Variants in LURAP1L observed in about 807,000 individuals in gnomAD.
The protein encoded by LURAP1L is leucine rich adaptor protein 1 like.
A neutral mutation model predicts 13.8 loss-of-function variants in LURAP1L; 12 were observed. That is an observed-to-expected ratio of 0.87 (90% CI 0.56 to 1.41). The LOEUF (loss-of-function observed/expected upper bound fraction) is 1.41. LURAP1L is among the 40% of genes most tolerant of loss of function. LURAP1L has a pLI of 0.00. For missense variants in LURAP1L, 375 were observed against 292.9 expected (o/e 1.28, Z -2.04); for synonymous variants, 139 against 119.2 (o/e 1.17, Z -1.08).
chr9:12,797,400 C>A (rs1057168134), intron 1 of LURAP1L, among the ~76,000 whole-genome samples: 2 of 152,142 alleles, frequency 1.3e-5, no homozygotes, highest in South Asian at 4.2e-4. Flanking sequence ...TAGGAGGTAC[C>A]AATGCCAAGT....
intron 1 of LURAP1L, among the ~76,000 whole-genome samples, chr9:12,790,150 C>T (rs1181290441): frequency 1.3e-5 from 2 of 151,988 alleles, no homozygotes; most frequent in Admixed American, 1.3e-4. Context: ...TAAAGATTTC[C>T]AAAGAGTGAA....
intron 1 of LURAP1L, among the ~76,000 whole-genome samples, chr9:12,799,547 A>C (rs934514974): frequency 6.6e-6 from 1 of 152,170 alleles, no homozygotes; most frequent in African/African-American, 2.4e-5. Flanking sequence ...TAACCTACTT[A>C]ATTACATTAT....
intron 1 of LURAP1L, among the ~76,000 whole-genome samples, chr9:12,803,454 C>T (rs956918224): frequency 6.6e-6 from 1 of 152,218 alleles, no homozygotes; most frequent in Non-Finnish European, 1.5e-5. Flanking sequence ...CTAAATGATA[C>T]TGCCAATGGG....
At chr9:12,788,831 A>C (rs933285933) in intron 1 of LURAP1L, among the ~76,000 whole-genome samples, 8 of 151,716 alleles carry the variant, frequency 5.3e-5, no homozygotes, top group African/African-American at 1.9e-4. Context: ...ACAGTTTGGT[A>C]AGAAAAACTA....
chr9:12,817,957 G>A (rs374834369), intron 1 of LURAP1L, among the ~76,000 whole-genome samples: 6 of 152,032 alleles, frequency 3.9e-5, no homozygotes, highest in East Asian at 1.9e-4. Flanking sequence ...GTGAACTGAC[G>A]TGCCCAGCGC....
intron 1 of LURAP1L, among the ~76,000 whole-genome samples, chr9:12,802,237 C>T (rs1164122653): frequency 1.3e-5 from 2 of 152,158 alleles, no homozygotes; most frequent in Non-Finnish European, 2.9e-5. Context: ...GAGGGCAGCT[C>T]AAAATCAGTG....
intron 1 of LURAP1L, among the ~76,000 whole-genome samples, chr9:12,792,105 T>C (rs1819448444): frequency 6.6e-6 from 1 of 152,104 alleles, no homozygotes. Context: ...GAAATTCAGT[T>C]CTCACAAATC....
At chr9:12,795,013 T>C (rs1401776215) in intron 1 of LURAP1L, among the ~76,000 whole-genome samples, 1 of 151,948 alleles carries the variant, frequency 6.6e-6, no homozygotes, top group South Asian at 2.1e-4. Flanking sequence ...AGAGGTCCCA[T>C]GGTCTGTAAT....
At chr9:12,784,277 T>A (rs765376522) in intron 1 of LURAP1L, among the ~76,000 whole-genome samples, 1 of 152,168 alleles carries the variant, frequency 6.6e-6, no homozygotes, top group Non-Finnish European at 1.5e-5. Flanking sequence ...TGTCTGGGTG[T>A]TGACAAGTGA....
At chr9:12,798,401 CA>C (rs1252111849) in intron 1 of LURAP1L, among the ~76,000 whole-genome samples, 1 of 152,176 alleles carries the variant, frequency 6.6e-6, no homozygotes, top group Non-Finnish European at 1.5e-5. Context: ...TAGCAAACTA[CA>C]AGTTGTATAT....
chr9:12,782,855 G>C (rs1446203769), intron 1 of LURAP1L, among the ~76,000 whole-genome samples: 2 of 152,066 alleles, frequency 1.3e-5, no homozygotes, highest in African/African-American at 4.8e-5. Context: ...CATGAACATG[G>C]AATATCTTTT....
chr9:12,792,864 A>G (rs1819460987), intron 1 of LURAP1L, among the ~76,000 whole-genome samples: 1 of 151,888 alleles, frequency 6.6e-6, no homozygotes, highest in African/African-American at 2.4e-5. Context: ...TTTAAATTTG[A>G]TTTTGTGTTT....
chr9:12,794,400 C>T (rs1288141358), intron 1 of LURAP1L, among the ~76,000 whole-genome samples: 1 of 151,878 alleles, frequency 6.6e-6, no homozygotes, highest in African/African-American at 2.4e-5. Flanking sequence ...TCAACAAGAT[C>T]AAATAACTTG....
At chr9:12,809,895 T>G (rs1819713309) in intron 1 of LURAP1L, among the ~76,000 whole-genome samples, 1 of 152,190 alleles carries the variant, frequency 6.6e-6, no homozygotes, top group Non-Finnish European at 1.5e-5. Context: ...GTCAGAGGCC[T>G]GCAGTTCTTT....
At chr9:12,792,798 A>C (rs1317279466) in intron 1 of LURAP1L, among the ~76,000 whole-genome samples, 1 of 152,006 alleles carries the variant, frequency 6.6e-6, no homozygotes, top group Admixed American at 6.6e-5. Context: ...AGGAATCCTG[A>C]CCCTGACAAC....
intron 1 of LURAP1L, among the ~76,000 whole-genome samples, chr9:12,781,922 T>G (rs534557629): frequency 6.6e-6 from 1 of 152,262 alleles, no homozygotes; most frequent in Non-Finnish European, 1.5e-5. Context: ...CGGCATTAAT[T>G]ATTGTTTGTT....
At chr9:12,799,215 C>T (rs1042350071) in intron 1 of LURAP1L, among the ~76,000 whole-genome samples, 10 of 152,138 alleles carry the variant, frequency 6.6e-5, no homozygotes, top group African/African-American at 1.7e-4. Context: ...TATCATAGAA[C>T]GCAGTACTCT....
chr9:12,783,149 C>T (rs549851899), intron 1 of LURAP1L, among the ~76,000 whole-genome samples: 1 of 152,160 alleles, frequency 6.6e-6, no homozygotes, highest in East Asian at 1.9e-4. Context: ...ATATCATTTG[C>T]AAATAAGAAT....
At chr9:12,805,951 GA>G (rs1215459668) in intron 1 of LURAP1L, among the ~76,000 whole-genome samples, 1 of 151,890 alleles carries the variant, frequency 6.6e-6, no homozygotes, top group Non-Finnish European at 1.5e-5. Flanking sequence ...AAACAAACCA[GA>G]AAAAAAGAAA....
Sources: allele counts gnomAD v4.1 joint callset (sites outside exome capture counted in the v4.1 genomes callset), GRCh38; gene constraint gnomAD v4.1.1; transcripts MANE v1.5; gene names NCBI Gene and HGNC (gene_info 2026-07-23, HGNC 2026-07-21).